Variants in RASGRF2 observed in about 807,000 individuals in gnomAD.
The protein encoded by RASGRF2 is ras-specific guanine nucleotide-releasing factor 2.
In RASGRF2, 76 loss-of-function variants were observed where a neutral mutation model predicts 151.0. That is an observed-to-expected ratio of 0.50 (90% CI 0.42 to 0.61). The LOEUF (loss-of-function observed/expected upper bound fraction) is 0.61. RASGRF2 is among the 20% of genes least tolerant of loss of function. RASGRF2 has a pLI of 0.00. For synonymous variants in RASGRF2, 504 were observed against 566.5 expected (o/e 0.89, Z 1.57); for missense variants, 1,148 against 1,564.6 (o/e 0.73, Z 4.49).
chr5:81,225,866 A>G lies in RASGRF2; in HGVS notation c.*96A>G. 2 of 1,303,964 alleles carry G rather than the reference A, an allele frequency of 1.5e-6. No individual in the cohort carries two copies. Among genetic ancestry groups the G allele is most frequent in the South Asian group, 1.6e-5 (1 of 61,828 alleles). The allele number at this position is 1,303,964 out of a possible 1,614,324, so 80.8% of individuals were successfully genotyped here. A position where few individuals can be genotyped will look rare whatever the true frequency, so the allele number is the denominator to read the frequency against. On this transcript the variant is annotated 3_prime_UTR_variant, in exon 27 of 27. Transcript: ENST00000265080. Reference sequence around the variant, plus strand: ...GCCTATCACGGTACAGCACGAAGCCAGGCTCCTTTCTCCACCAAAGAAGAT... The same window carrying G: ...GCCTATCACGGTACAGCACGAAGCCGGGCTCCTTTCTCCACCAAAGAAGAT...
At chr5:81,068,224 C>A in intron 3 of RASGRF2, 45 bp downstream of exon 3, 2 of 1,578,582 alleles carry the variant, frequency 1.3e-6, no homozygotes, top group Admixed American at 1.8e-5. Context: ...TCACGTTTAC[C>A]GTCATTTCCT....
At chr5:81,203,279 T>C (rs1411725021) in intron 19 of RASGRF2, among the ~76,000 whole-genome samples, 1 of 152,226 alleles carries the variant, frequency 6.6e-6, no homozygotes, top group Non-Finnish European at 1.5e-5. Context: ...TTTGACTAAA[T>C]AGCTATCAGG....
chr5:81,056,559 G>A (rs1462412808), intron 2 of RASGRF2, among the ~76,000 whole-genome samples: 2 of 152,134 alleles, frequency 1.3e-5, no homozygotes, highest in Admixed American at 1.3e-4. Flanking sequence ...TATGTGGTCA[G>A]TTTTGGAATA....
intron 17 of RASGRF2, among the ~76,000 whole-genome samples, chr5:81,160,418 C>CA (rs904755602): frequency 3.3e-5 from 5 of 150,434 alleles, no homozygotes; most frequent in African/African-American, 7.3e-5. Flanking sequence ...GAGACTGTCT[C>CA]AAAAAAAATA....
chr5:81,155,637 A>G (rs545590445), intron 17 of RASGRF2, among the ~76,000 whole-genome samples: 6 of 152,194 alleles, frequency 3.9e-5, no homozygotes, highest in Non-Finnish European at 8.8e-5. Context: ...GAGTCCCATA[A>G]GGAGCTACCC....
rs1370412712 is a variant in RASGRF2, at chr5:80,995,691, C to G, written c.288+34665C>G. Among the ~76,000 whole-genome samples the G allele has an allele frequency of 3.4e-3, 438 of 129,922 alleles. 16 individuals are homozygous for G. The highest frequency in any genetic ancestry group is 0.013 in the African/African-American group (422 of 33,518). The allele number at this position is 129,922 out of a possible 152,430, so 85.2% of individuals were successfully genotyped here. ...TTGTTTCTTTCCTTTCCTTCCCCCC[C>G]CCTTTTTTTTTTTTTTTTTGAGATG... On this transcript the variant is annotated intron_variant, in intron 1 of 26. Coordinates refer to ENST00000265080, the MANE Select transcript of RASGRF2 (RefSeq NM_006909.3).
chr5:81,082,916 G>T (rs1342406510), intron 7 of RASGRF2, among the ~76,000 whole-genome samples: 1 of 152,220 alleles, frequency 6.6e-6, no homozygotes. Context: ...ACCAGGAGAA[G>T]TCATTGGAGT....
rs371532267 is a variant in RASGRF2 at position 81,215,505 on chromosome 5, A to G, written c.3355-371A>G. ...AGGATGGTCTCAAACTCCTGGCCTC[A>G]GGTGATCAACCCGCCTCAGCCTCCC... On this transcript the variant is annotated intron_variant, in intron 23 of 26. Coordinates refer to ENST00000265080, the MANE Select transcript of RASGRF2 (RefSeq NM_006909.3). Among the ~76,000 whole-genome samples the G allele has an allele frequency of 1.8e-4, 27 of 152,206 alleles. No individual in the cohort carries two copies. The East Asian group carries it at 4.1e-3, about 23-fold the overall frequency.
At chr5:81,218,458 CT>C (rs1378761997) in intron 25 of RASGRF2, among the ~76,000 whole-genome samples, 3 of 152,154 alleles carry the variant, frequency 2.0e-5, no homozygotes, top group Non-Finnish European at 4.4e-5. Context: ...AAAGGGTGTC[CT>C]TTCCCCACCT....
chr5:81,213,190 C>T (rs1755662349), intron 23 of RASGRF2, among the ~76,000 whole-genome samples: 1 of 152,162 alleles, frequency 6.6e-6, no homozygotes. Flanking sequence ...CTGTCTGCTC[C>T]TCTGGCCTCC....
chr5:81,076,731 C>T (rs964246267), intron 5 of RASGRF2, among the ~76,000 whole-genome samples: 3 of 152,008 alleles, frequency 2.0e-5, no homozygotes, highest in African/African-American at 4.8e-5. Flanking sequence ...AGGGAAGTGT[C>T]GGAGCTGGAG....
At chr5:80,996,495 CTT>C (rs1227281903) in intron 1 of RASGRF2, among the ~76,000 whole-genome samples, 33 of 83,538 alleles carry the variant, frequency 4.0e-4, no homozygotes, top group African/African-American at 1.9e-3. Context: ...TCTTCTTCTT[CTT>C]CTTCTTCCTC....
intron 17 of RASGRF2, among the ~76,000 whole-genome samples, chr5:81,166,114 A>C (rs1003859731): frequency 6.6e-6 from 1 of 152,078 alleles, no homozygotes; most frequent in African/African-American, 2.4e-5. Context: ...ACTAAGAAAC[A>C]CCCAGGACCA....
At chr5:81,170,127 C>G (rs1046193325) in intron 17 of RASGRF2, among the ~76,000 whole-genome samples, 1 of 151,396 alleles carries the variant, frequency 6.6e-6, no homozygotes, top group African/African-American at 2.4e-5. Flanking sequence ...CCAGCATCAC[C>G]TGCACCACCT....
intron 17 of RASGRF2, among the ~76,000 whole-genome samples, chr5:81,152,862 A>G (rs1754169365): frequency 1.3e-5 from 2 of 152,212 alleles, no homozygotes; most frequent in African/African-American, 4.8e-5. Context: ...TGGGCAAAGT[A>G]TGAAAACCAT....
At chr5:81,197,833 G>A (rs1278716402) in intron 18 of RASGRF2, among the ~76,000 whole-genome samples, 1 of 152,184 alleles carries the variant, frequency 6.6e-6, no homozygotes, top group Non-Finnish European at 1.5e-5. Context: ...ATCCTCAAAA[G>A]CAGGACTTTG....
chr5:81,109,726 A>G (rs1369803074), intron 13 of RASGRF2, among the ~76,000 whole-genome samples: 2 of 152,158 alleles, frequency 1.3e-5, no homozygotes, highest in African/African-American at 4.8e-5. Context: ...TGGCACCCAA[A>G]TGCATCTTTT....
At position 81,227,128 on chromosome 5, in the gene RASGRF2, A is replaced by G. The variant is rs764903590; in HGVS notation, c.*1358A>G. The G allele has an allele frequency of 2.0e-5, 3 of 152,250 alleles. No homozygotes were observed. The highest frequency in any genetic ancestry group is 2.9e-5 in the Non-Finnish European group (2 of 68,038). The allele number at this position is 152,250 out of a possible 1,614,324, so 9.4% of individuals were successfully genotyped here. Reference sequence around the variant, plus strand: ...GTTGCACCTGACATTTTCTCTTAGCAGCATGAAACTTATTGATGCTGACAA... The same window carrying G: ...GTTGCACCTGACATTTTCTCTTAGCGGCATGAAACTTATTGATGCTGACAA... On this transcript the variant is annotated 3_prime_UTR_variant, in exon 27 of 27. Coordinates refer to ENST00000265080, the MANE Select transcript of RASGRF2 (RefSeq NM_006909.3).
chr5:81,057,651 A>G (rs557072827), intron 2 of RASGRF2, among the ~76,000 whole-genome samples: 1 of 152,274 alleles, frequency 6.6e-6, no homozygotes, highest in Non-Finnish European at 1.5e-5. Flanking sequence ...GGAAATTAGC[A>G]TATTAATCAG....
Sources: allele counts gnomAD v4.1 joint callset (sites outside exome capture counted in the v4.1 genomes callset), GRCh38; gene constraint gnomAD v4.1.1; transcripts MANE v1.5; gene names NCBI Gene and HGNC (gene_info 2026-07-23, HGNC 2026-07-21).